The following PIP4K2A variants were observed in gnomAD, a reference collection of about 807,000 sequenced individuals.
PIP4K2A encodes the protein phosphatidylinositol-5-phosphate 4-kinase type 2 alpha.
In PIP4K2A, 14 loss-of-function variants were observed where a neutral mutation model predicts 42.9. The observed-to-expected ratio is 0.33, with a 90% CI of 0.22 to 0.51. The LOEUF is 0.51. Among genes scored for constraint, PIP4K2A ranks in the 20% least tolerant of loss-of-function variants. The pLI is 0.97. For synonymous variants in PIP4K2A, 192 were observed against 192.2 expected, an observed-to-expected ratio of 1.00 and a Z score of 0.01; for missense variants, 434 against 519.8, an observed-to-expected ratio of 0.83 and a Z score of 1.61.
chr10:22,644,344 T>C (rs1838837948), intron 1 of PIP4K2A, among the ~76,000 whole-genome samples: 1 of 152,198 alleles, frequency 6.6e-6, no homozygotes, highest in Non-Finnish European at 1.5e-5. Context: ...GCCATCAGCA[T>C]GATTCTGCAG....
At chr10:22,628,325 A>T (rs1343961815) in intron 1 of PIP4K2A, among the ~76,000 whole-genome samples, 1 of 152,220 alleles carries the variant, frequency 6.6e-6, no homozygotes, top group Non-Finnish European at 1.5e-5. Context: ...CAAACTTATA[A>T]ATGTTCATAT....
chr10:22,570,495 G>A (rs2130791573), intron 5 of PIP4K2A, among the ~76,000 whole-genome samples: 1 of 152,320 alleles, frequency 6.6e-6, no homozygotes, highest in Non-Finnish European at 1.5e-5. Flanking sequence ...AATTCCAGGG[G>A]CACAAAATGG....
intron 1 of PIP4K2A, among the ~76,000 whole-genome samples, chr10:22,627,771 T>C (rs1838477136): frequency 6.6e-6 from 1 of 152,140 alleles, no homozygotes; most frequent in Non-Finnish European, 1.5e-5. Context: ...AGAATCCCCA[T>C]GATATTCTTT....
At chr10:22,641,435 A>T (rs939190775) in intron 1 of PIP4K2A, among the ~76,000 whole-genome samples, 3 of 150,546 alleles carry the variant, frequency 2.0e-5, no homozygotes, top group Admixed American at 6.6e-5. Flanking sequence ...ATACCTGATC[A>T]TTTTTTTTTC....
At chr10:22,598,365 A>T (rs1837679554) in intron 3 of PIP4K2A, among the ~76,000 whole-genome samples, 1 of 152,200 alleles carries the variant, frequency 6.6e-6, no homozygotes, top group South Asian at 2.1e-4. Context: ...TAAAAAATAA[A>T]AACAAACAGA....
chr10:22,543,718 T>A (rs1475694640), intron 7 of PIP4K2A, among the ~76,000 whole-genome samples: 2 of 152,142 alleles, frequency 1.3e-5, no homozygotes, highest in Non-Finnish European at 2.9e-5. Context: ...CTGGCTGGGA[T>A]CATGTTTGTG....
Position 22,566,942 on chromosome 10 carries a change from G to A in PIP4K2A, c.678+909C>T, listed in dbSNP as rs949782322. Among the ~76,000 whole-genome samples, 3 of 152,172 alleles carry A rather than the reference G, an allele frequency of 2.0e-5. No individual in the cohort carries two copies. In the East Asian group the frequency reaches 5.8e-4, roughly 29 times the overall value. ...TTGTTATTTTAGCCCCTGAAGCTAG[G>A]ATAGTAGCCACAAAAATATTCACAA... On this transcript the variant is annotated intron_variant, in intron 6 of 9. Coordinates refer to ENST00000376573, the MANE Select transcript of PIP4K2A (RefSeq NM_005028.5).
rs146843597 is a variant in PIP4K2A at position 22,602,443 on chromosome 10, A to C, written c.339+5484T>G. Reference sequence around the variant, plus strand: ...GAAAAGAAAGAAAGAAAAAGAAAAAAGAAAAGAAAAGAAAATACAGATGTC... The same window carrying C: ...GAAAAGAAAGAAAGAAAAAGAAAAACGAAAAGAAAAGAAAATACAGATGTC... On this transcript the variant is annotated intron_variant, in intron 3 of 9. Coordinates refer to ENST00000376573, the MANE Select transcript of PIP4K2A (RefSeq NM_005028.5). Among the ~76,000 whole-genome samples, 917 of 152,064 alleles carry C rather than the reference A, an allele frequency of 6.0e-3. 8 individuals carry two copies. Among genetic ancestry groups the C allele is most frequent in the African/African-American group, 0.021 (866 of 41,498 alleles).
chr10:22,672,815 A>G (rs978168938), intron 1 of PIP4K2A, among the ~76,000 whole-genome samples: 1 of 152,214 alleles, frequency 6.6e-6, no homozygotes, highest in Non-Finnish European at 1.5e-5. Flanking sequence ...GCCAAACTCA[A>G]GACAGTTAAT....
intron 3 of PIP4K2A, among the ~76,000 whole-genome samples, chr10:22,598,876 CACAAACTGCA>C (rs1837689330): frequency 6.6e-6 from 1 of 152,184 alleles, no homozygotes; most frequent in African/African-American, 2.4e-5. Context: ...AATCAACATG[CACAAACTGCA>C]AAAATACACT....
chr10:22,611,919 C>T (rs561670803), intron 1 of PIP4K2A, among the ~76,000 whole-genome samples: 3 of 152,164 alleles, frequency 2.0e-5, no homozygotes, highest in Admixed American at 6.5e-5. Flanking sequence ...TATTTAAATG[C>T]GCGTGATGTG....
intron 1 of PIP4K2A, among the ~76,000 whole-genome samples, chr10:22,626,456 G>A (rs1420975266): frequency 1.3e-5 from 2 of 152,168 alleles, no homozygotes; most frequent in African/African-American, 4.8e-5. Context: ...CAAAGCTATT[G>A]TATTCAGAAC....
At chr10:22,594,395 T>G (rs1051634695) in intron 3 of PIP4K2A, among the ~76,000 whole-genome samples, 6 of 151,974 alleles carry the variant, frequency 3.9e-5, no homozygotes, top group African/African-American at 1.5e-4. Flanking sequence ...ATGTACAGGG[T>G]TTTTTATTTT....
Position 22,714,283 on chromosome 10 carries a change from T to C in PIP4K2A, c.44A>G (p.Lys15Arg). ...GNLGSSVLASKTKTKKKHFVA... is the reference protein window; with the variant it reads ...GNLGSSVLASRTKTKKKHFVA... The stretch of plus-strand genomic sequence containing the variant: ...GAAGTGCTTCTTCTTGGTCTTGGTC[T>C]TGCTCGCCAGGACAGAGGACCCTAG... The change falls in exon 1 of 10, where the codon AAG becomes AGG. Residue 15 changes from lysine to arginine, a missense_variant. Physicochemically the swap from Lys to Arg is conservative, Grantham distance 26 (BLOSUM62 2). Around this residue, in one of 2 missense-constraint regions of PIP4K2A, gnomAD observed 395 missense variants for 444.5 expected, o/e 0.89. Transcript: ENST00000376573. 2 of 1,611,404 alleles carry C rather than the reference T, an allele frequency of 1.2e-6. No homozygotes were observed. Among genetic ancestry groups the C allele is most frequent in the Non-Finnish European group, 1.7e-6 (2 of 1,178,574 alleles).
At chr10:22,620,244 C>T (rs1258088247) in intron 1 of PIP4K2A, among the ~76,000 whole-genome samples, 2 of 152,216 alleles carry the variant, frequency 1.3e-5, no homozygotes, top group African/African-American at 2.4e-5. Flanking sequence ...TAAAATTCTA[C>T]CTCCCATGAA....
At chr10:22,616,615 T>G (rs1320118110) in intron 1 of PIP4K2A, among the ~76,000 whole-genome samples, 1 of 152,146 alleles carries the variant, frequency 6.6e-6, no homozygotes, top group African/African-American at 2.4e-5. Flanking sequence ...TGAGATAAGA[T>G]TCCTAGCAAC....
intron 4 of PIP4K2A, among the ~76,000 whole-genome samples, chr10:22,577,038 A>G (rs1837140130): frequency 6.9e-6 from 1 of 145,276 alleles, no homozygotes; most frequent in Non-Finnish European, 1.5e-5. Context: ...AGATTGCGCC[A>G]CTGCACTCTA....
At chr10:22,664,087 A>C (rs1388691638) in intron 1 of PIP4K2A, among the ~76,000 whole-genome samples, 2 of 83,596 alleles carry the variant, frequency 2.4e-5, no homozygotes, top group Non-Finnish European at 4.1e-5. Context: ...GTATATATAT[A>C]TACATATATA....
chr10:22,573,191 T>C, intron 5 of PIP4K2A, 120 bp downstream of exon 5: 2 of 859,558 alleles, frequency 2.3e-6, no homozygotes, highest in Non-Finnish European at 3.7e-6. Context: ...ACACTGCTAC[T>C]TGTCTGGTAG....
Sources: gnomAD v4.1 joint callset for allele counts (sites outside exome capture counted in the v4.1 genomes callset) on GRCh38, gnomAD v4.1.1 for gene constraint, gnomAD v4.1.1 regional missense constraint, MANE v1.5 for transcripts, NCBI Gene and HGNC (gene_info 2026-07-23, HGNC 2026-07-21) for gene names.